The following FSTL4 variants were observed in gnomAD, a reference collection of about 807,000 sequenced individuals.
FSTL4 encodes the protein follistatin-related protein 4.
In FSTL4, 28 loss-of-function variants were observed where a neutral mutation model predicts 78.2. That is an observed-to-expected ratio of 0.36 (90% CI 0.27 to 0.49). The LOEUF (loss-of-function observed/expected upper bound fraction) is 0.49, where lower values mean the gene tolerates loss of function less well. FSTL4 is among the 20% of genes least tolerant of loss of function. The pLI is 0.98. For missense variants in FSTL4, 922 were observed against 1,084.9 expected, an observed-to-expected ratio of 0.85 and a Z score of 2.11; for synonymous variants, 422 against 440.5, an observed-to-expected ratio of 0.96 and a Z score of 0.53.
At chr5:133,387,217 T>C (rs959422825) in intron 4 of FSTL4, among the ~76,000 whole-genome samples, 1 of 152,106 alleles carries the variant, frequency 6.6e-6, no homozygotes, top group Admixed American at 6.5e-5. Context: ...CTCCTAATCA[T>C]GGGAGTGGCC....
chr5:133,634,511 G>A, the FSTL4 span, among the ~76,000 whole-genome samples: 1 of 151,954 alleles, frequency 6.6e-6, no homozygotes, highest in Non-Finnish European at 1.5e-5. Context: ...CAATCTTTGG[G>A]TCCTAAATTC....
the FSTL4 span, among the ~76,000 whole-genome samples, chr5:133,729,157 A>G: frequency 4.1e-4 from 62 of 152,230 alleles, no homozygotes; most frequent in Non-Finnish European, 8.8e-5. Flanking sequence ...CAAGGAAATA[A>G]AAGAACCCCA....
chr5:133,300,418 T>A (rs147056743), intron 6 of FSTL4, among the ~76,000 whole-genome samples: 1 of 152,268 alleles, frequency 6.6e-6, no homozygotes, highest in Non-Finnish European at 1.5e-5. Context: ...GTTTGTTCTG[T>A]CTGAGCCAAC....
intron 6 of FSTL4, among the ~76,000 whole-genome samples, chr5:133,285,845 A>G (rs1013479067): frequency 2.0e-5 from 3 of 152,212 alleles, no homozygotes; most frequent in Non-Finnish European, 4.4e-5. Flanking sequence ...CCTGCAGGCT[A>G]GGCCACGCCC....
the FSTL4 span, among the ~76,000 whole-genome samples, chr5:133,829,639 C>T: frequency 6.6e-6 from 1 of 152,154 alleles, no homozygotes; most frequent in South Asian, 2.1e-4. Context: ...GTTTTGCTGC[C>T]CCTGCTGCTC....
intron 6 of FSTL4, among the ~76,000 whole-genome samples, chr5:133,312,197 T>C (rs1271988339): frequency 6.6e-6 from 1 of 152,124 alleles, no homozygotes; most frequent in Admixed American, 6.5e-5. Context: ...GGACCCTCAC[T>C]CTCCATTGTC....
At chr5:133,554,071 G>T (rs1347655981) in intron 3 of FSTL4, among the ~76,000 whole-genome samples, 1 of 152,228 alleles carries the variant, frequency 6.6e-6, no homozygotes, top group Non-Finnish European at 1.5e-5. Context: ...ACCCTGTGGG[G>T]CCTTTGATCT....
the FSTL4 span, among the ~76,000 whole-genome samples, chr5:133,759,841 G>T: frequency 6.6e-6 from 1 of 152,224 alleles, no homozygotes; most frequent in East Asian, 1.9e-4. Context: ...TATTGTAGAT[G>T]AGATGAGAGG....
the FSTL4 span, among the ~76,000 whole-genome samples, chr5:133,788,374 G>A: frequency 1.3e-5 from 2 of 152,226 alleles, no homozygotes; most frequent in East Asian, 1.9e-4. Flanking sequence ...CTAGGATGAC[G>A]GGACCACTGT....
At chr5:133,423,165 T>C (rs1209371208) in intron 3 of FSTL4, among the ~76,000 whole-genome samples, 3 of 152,242 alleles carry the variant, frequency 2.0e-5, no homozygotes, top group South Asian at 2.1e-4. Context: ...GCTGGCTTTG[T>C]TCTTGGACTG....
In FSTL4 at chr5:133,236,277, C is replaced by G. The variant is rs1291057242; in HGVS notation, c.895-2740G>C. Among the ~76,000 whole-genome samples the G allele has an allele frequency of 6.6e-6, 1 of 151,834 alleles. No homozygotes were observed. Among genetic ancestry groups the G allele is most frequent in the Non-Finnish European group, 1.5e-5 (1 of 67,854 alleles). The stretch of plus-strand genomic sequence containing the variant: ...CCACATTCCTCAGGTTGAGATGGGC[C>G]CTGGGCTCTGAGGGCTGTCCCAAGG... On this transcript the variant is annotated intron_variant, in intron 7 of 15. Coordinates refer to ENST00000265342, the MANE Select transcript of FSTL4 (RefSeq NM_015082.2). The surrounding 1 kb of genome is among the most constrained non-coding windows in gnomAD (Gnocchi z 5.0).
Position 133,492,134 on chromosome 5 carries a change from C to T in FSTL4, c.160+75052G>A, listed in dbSNP as rs17166721. The stretch of plus-strand genomic sequence containing the variant: ...ATTTTCAATATACATTCTGACTTAA[C>T]GCCTAAAGTTTTTTAAGGCCTAGTA... On this transcript the variant is annotated intron_variant, in intron 3 of 15. Coordinates refer to ENST00000265342, the MANE Select transcript of FSTL4 (RefSeq NM_015082.2). Among the ~76,000 whole-genome samples, 1,332 of 152,170 alleles carry T rather than the reference C, an allele frequency of 8.8e-3. 15 individuals carry two copies. The highest frequency in any genetic ancestry group is 0.058 in the Middle Eastern group (17 of 294).
At chr5:133,670,943 C>T in the FSTL4 span, among the ~76,000 whole-genome samples, 1 of 152,132 alleles carries the variant, frequency 6.6e-6, no homozygotes, top group African/African-American at 2.4e-5. Flanking sequence ...ACCTGGATTC[C>T]ATCTCCAGAT....
chr5:133,507,881 T>C lies in FSTL4; in HGVS notation c.160+59305A>G, dbSNP rs1758645618. Among the ~76,000 whole-genome samples, 4 of 121,436 alleles carry C rather than the reference T, an allele frequency of 3.3e-5. No homozygotes were observed. The South Asian group carries it at 1.1e-3, about 33-fold the overall frequency. 79.7% of individuals were successfully genotyped at this position (121,436 alleles called of 152,430 possible). A position where few individuals can be genotyped will look rare whatever the true frequency, so the allele number is the denominator to read the frequency against. ...TAAAAAATAACATAACCATAAAAAG[T>C]AGAATTTTTTAAAAATACAGTATAA... On this transcript the variant is annotated intron_variant, in intron 3 of 15. Transcript: ENST00000265342.
At chr5:133,680,158 G>T in the FSTL4 span, among the ~76,000 whole-genome samples, 1 of 152,124 alleles carries the variant, frequency 6.6e-6, no homozygotes, top group Non-Finnish European at 1.5e-5. Context: ...AGCATGGCAT[G>T]GTCTTCCATG....
the FSTL4 span, among the ~76,000 whole-genome samples, chr5:133,839,168 C>T: frequency 5.3e-5 from 8 of 152,320 alleles, no homozygotes; most frequent in East Asian, 1.2e-3. Context: ...CCAGTGAGAG[C>T]TTTGGCACCA....
chr5:133,503,746 A>G (rs780434822), intron 3 of FSTL4, among the ~76,000 whole-genome samples: 10 of 152,210 alleles, frequency 6.6e-5, no homozygotes, highest in Non-Finnish European at 1.5e-4. Flanking sequence ...CCAACAGCCT[A>G]TGTGCTCTCT....
At chr5:133,502,047 G>T (rs952850091) in intron 3 of FSTL4, among the ~76,000 whole-genome samples, 10 of 152,200 alleles carry the variant, frequency 6.6e-5, no homozygotes, top group African/African-American at 2.4e-4. Context: ...GGGCAGGAAG[G>T]CCTCCTTTCT....
chr5:133,791,278 GCACACACA>G, the FSTL4 span, among the ~76,000 whole-genome samples: 570 of 148,814 alleles, frequency 3.8e-3, 2 homozygotes, highest in African/African-American at 0.013. Context: ...ACATGTGCGT[GCACACACA>G]CACACACACA....
Sources: gnomAD v4.1 joint callset for allele counts (sites outside exome capture counted in the v4.1 genomes callset) on GRCh38, gnomAD v4.1.1 for gene constraint, Gnocchi (gnomAD v3.1) non-coding constraint, MANE v1.5 for transcripts, NCBI Gene and HGNC (gene_info 2026-07-23, HGNC 2026-07-21) for gene names.